Variants in FAM124B observed in about 807,000 individuals in gnomAD.
FAM124B encodes protein FAM124B.
FAM124B carries 18 observed loss-of-function variants against 19.7 expected under a neutral mutation model. That is an observed-to-expected ratio of 0.92 (90% CI 0.63 to 1.36). FAM124B has a LOEUF of 1.36. FAM124B is among the 40% of genes most tolerant of loss of function. The pLI is 0.00. For synonymous variants in FAM124B, 223 were observed against 225.2 expected, an observed-to-expected ratio of 0.99 and a Z score of 0.09; for missense variants, 540 against 553.3, an observed-to-expected ratio of 0.98 and a Z score of 0.24.
At chr2:224,393,320 C>T (rs1286259218) in intron 1 of FAM124B, among the ~76,000 whole-genome samples, 1 of 152,208 alleles carries the variant, frequency 6.6e-6, no homozygotes, top group Non-Finnish European at 1.5e-5. Flanking sequence ...GGATGGCCGG[C>T]AACCAACATG....
intron 1 of FAM124B, among the ~76,000 whole-genome samples, chr2:224,394,164 C>G (rs910933062): frequency 2.0e-5 from 3 of 152,130 alleles, no homozygotes; most frequent in Non-Finnish European, 4.4e-5. Context: ...CCCTCTCCTC[C>G]GGAAGTGCAC....
At position 224,401,769 on chromosome 2, in the gene FAM124B, G is replaced by A; in HGVS notation, c.-1C>T. ...CCAGAGGCCCCTGTGTCTCATCCAT[G>A]GAGGAACTGCCTGAGGCTGACAAAG... On this transcript the variant is annotated 5_prime_UTR_variant, in exon 1 of 2. Coordinates refer to ENST00000409685, the MANE Select transcript of FAM124B (RefSeq NM_001122779.2). The A allele has an allele frequency of 6.2e-7, 1 of 1,609,628 alleles. No individual in the cohort carries two copies. The highest frequency in any genetic ancestry group is 8.5e-7 in the Non-Finnish European group (1 of 1,177,652).
At position 224,401,169 on chromosome 2, in the gene FAM124B, T is replaced by C. The variant is rs151315340; in HGVS notation, c.600A>G (p.Lys200=). ...QLPPGMSVDP[K]ESSVLQFKVQ... is the part of the protein sequence containing the mutation. The stretch of plus-strand genomic sequence containing the variant: ...CCTTAAACTGCAGCACCGAAGACTC[T>C]TTGGGGTCCACTGACATTCCCGGGG... The change falls in exon 1 of 2, where the codon AAA becomes AAG. Residue 200 remains lysine, a synonymous_variant. Transcript: ENST00000409685. The C allele has an allele frequency of 1.9e-6, 3 of 1,614,050 alleles. No homozygotes were observed. In the African/African-American group the frequency reaches 4.0e-5, roughly 22 times the overall value.
chr2:224,397,972 G>A lies in FAM124B; in HGVS notation c.732+3065C>T, dbSNP rs528692087. Among the ~76,000 whole-genome samples, 5 of 152,342 alleles carry A rather than the reference G, an allele frequency of 3.3e-5. No individual in the cohort carries two copies. In the East Asian group the frequency reaches 7.7e-4, roughly 23 times the overall value. On this transcript the variant is annotated intron_variant, in intron 1 of 1. Coordinates refer to ENST00000409685, the MANE Select transcript of FAM124B (RefSeq NM_001122779.2). The stretch of plus-strand genomic sequence containing the variant: ...GCTCTCTTTGTCTGCCGCCATCCAT[G>A]TAAGATGCGACTGCTCCTCCTTGCC...
chr2:224,400,479 C>T (rs1690047911), intron 1 of FAM124B: 1 of 696,900 alleles, frequency 1.4e-6, no homozygotes, highest in African/African-American at 1.8e-5. Context: ...GCACTCGAGT[C>T]TGGGCAACAG....
Position 224,401,647 on chromosome 2 carries a change from A to G in FAM124B, c.122T>C (p.Leu41Pro), listed in dbSNP as rs760406843. The change falls in exon 1 of 2, where the codon CTC (leucine) becomes CCC (proline). Residue 41 changes from leucine to proline, a missense_variant. Transcript: ENST00000409685. ...LLDCICPEVR[L>P]FQVSERASPV... Reference sequence around the variant, plus strand: ...ACTGGCCCGTTCAGACACCTGAAAGAGCCGGACCTCTGGGCAAATGCAATC... The same window carrying G: ...ACTGGCCCGTTCAGACACCTGAAAGGGCCGGACCTCTGGGCAAATGCAATC... The G allele has an allele frequency of 6.2e-6, 10 of 1,614,080 alleles. No individual in the cohort carries two copies. The South Asian group carries it at 1.1e-4, about 18-fold the overall frequency.
intron 1 of FAM124B, among the ~76,000 whole-genome samples, chr2:224,385,560 A>C (rs1247181648): frequency 1.3e-5 from 2 of 152,166 alleles, no homozygotes; most frequent in African/African-American, 4.8e-5. Flanking sequence ...GTGTAACTAC[A>C]CCTCAGATCT....
Position 224,379,316 on chromosome 2 carries a change from G to A in FAM124B, c.*257C>T. On this transcript the variant is annotated 3_prime_UTR_variant, in exon 2 of 2. Transcript: ENST00000409685. ...ATTCAACACATCCAGCTGGGTTAGT[G>A]CATCTCCACGGAACAAAAGCATTCG... The A allele has an allele frequency of 2.3e-6, 1 of 430,448 alleles. No individual in the cohort carries two copies. The highest frequency in any genetic ancestry group is 4.1e-6 in the Non-Finnish European group (1 of 243,392). The allele number at this position is 430,448 out of a possible 1,614,324, so 26.7% of individuals were successfully genotyped here. A position where few individuals can be genotyped will look rare whatever the true frequency, so the allele number is the denominator to read the frequency against.
At chr2:224,383,148 A>G (rs185870629) in intron 1 of FAM124B, among the ~76,000 whole-genome samples, 35 of 152,278 alleles carry the variant, frequency 2.3e-4, no homozygotes, top group African/African-American at 7.7e-4. Flanking sequence ...TTAAAAAACA[A>G]TGATGCCTGC....
chr2:224,387,425 T>C (rs933307267), intron 1 of FAM124B, among the ~76,000 whole-genome samples: 5 of 152,138 alleles, frequency 3.3e-5, no homozygotes, highest in African/African-American at 9.7e-5. Flanking sequence ...TCCAAGAAGA[T>C]AGCAAGAGAG....
chr2:224,381,961 C>A (rs1386107051), intron 1 of FAM124B, among the ~76,000 whole-genome samples: 1 of 152,160 alleles, frequency 6.6e-6, no homozygotes. Flanking sequence ...TAAATTCTCT[C>A]TCTCATACAC....
In FAM124B at chr2:224,379,679, G is replaced by C. The variant is rs1376894752; in HGVS notation, c.1262C>G (p.Ala421Gly). The C allele has an allele frequency of 1.3e-6, 2 of 1,551,658 alleles. No homozygotes were observed. The highest frequency in any genetic ancestry group is 1.7e-6 in the Non-Finnish European group (2 of 1,146,988). Reference protein sequence around the residue: ...LKERVSPLPLAGQRDLGTRKT... With the variant: ...LKERVSPLPLGGQRDLGTRKT... The stretch of plus-strand genomic sequence containing the variant: ...CCTGGTACCAAGGTCCCTTTGGCCA[G>C]CAAGTGGCAAAGGAGAGACTCTTTC... The change falls in exon 2 of 2, where the codon GCT becomes GGT. Residue 421 changes from alanine (A) to glycine (G), a missense_variant. Transcript: ENST00000409685.
chr2:224,398,549 A>T (rs1184316554), intron 1 of FAM124B, among the ~76,000 whole-genome samples: 1 of 152,216 alleles, frequency 6.6e-6, no homozygotes, highest in African/African-American at 2.4e-5. Context: ...CCAGAAGGCG[A>T]TCTCTCACTC....
In FAM124B at chr2:224,380,159, C is replaced by A. The variant is rs867913272; in HGVS notation, c.782G>T (p.Gly261Val). Residue 261 changes from glycine to valine, a missense_variant, in exon 2 of 2, where the codon GGC (glycine) becomes GTC (valine). Transcript: ENST00000409685. Reference sequence around the variant, plus strand: ...CAGCCTGGAGCCCAGGGGAAGCATGCCAGCTCCCAAGATGCCATTCTTAAC... The same window carrying A: ...CAGCCTGGAGCCCAGGGGAAGCATGACAGCTCCCAAGATGCCATTCTTAAC... ...LGVKNGILGA[G>V]MLPLGSRLTS... 3 of 1,551,176 alleles carry A rather than the reference C, an allele frequency of 1.9e-6. No homozygotes were observed. The highest frequency in any genetic ancestry group is 2.6e-6 in the Non-Finnish European group (3 of 1,146,734).
chr2:224,401,120 G>A lies in FAM124B; in HGVS notation c.649C>T (p.Pro217Ser). The A allele has an allele frequency of 1.2e-6, 2 of 1,614,180 alleles. No homozygotes were observed. Among genetic ancestry groups the A allele is most frequent in the Non-Finnish European group, 8.5e-7 (1 of 1,180,024 alleles). Residue 217 changes from proline to serine, a missense_variant, in exon 1 of 2, where the codon CCT becomes TCT. Pro to Ser is a moderately conservative substitution (Grantham distance 74, BLOSUM62 -1). Coordinates refer to ENST00000409685, the MANE Select transcript of FAM124B (RefSeq NM_001122779.2). ...GGCATGCATGGATTGGGTAGCAGAG[G>A]CACTAACTGGCCGATCTCTTGAACC... Reference protein sequence around the residue: ...FKVQEIGQLVPLLPNPCMPIS... With the variant: ...FKVQEIGQLVSLLPNPCMPIS...
chr2:224,383,519 T>G (rs755839622), intron 1 of FAM124B, among the ~76,000 whole-genome samples: 4 of 152,096 alleles, frequency 2.6e-5, no homozygotes, highest in Non-Finnish European at 4.4e-5. Flanking sequence ...CATCTGTTTG[T>G]TTTTTTAAAA....
At chr2:224,400,613 G>C (rs1325388652) in intron 1 of FAM124B, 2 of 607,588 alleles carry the variant, frequency 3.3e-6, no homozygotes, top group East Asian at 5.6e-5. Context: ...TGAGCCCAAA[G>C]AGTAAACAAA....
rs764234329 is a variant in FAM124B, at chr2:224,401,160, C to T, written c.609G>A (p.Ser203=). Residue 203 remains serine (S), a synonymous_variant, in exon 1 of 2, where the codon TCG becomes TCA. Coordinates refer to ENST00000409685, the MANE Select transcript of FAM124B (RefSeq NM_001122779.2). The stretch of plus-strand genomic sequence containing the variant: ...TCTCTTGAACCTTAAACTGCAGCAC[C>T]GAAGACTCTTTGGGGTCCACTGACA... ...PGMSVDPKES[S]VLQFKVQEIG... The T allele has an allele frequency of 1.2e-5, 20 of 1,614,010 alleles. No individual in the cohort carries two copies. The highest frequency in any genetic ancestry group is 1.6e-5 in the Non-Finnish European group (19 of 1,180,036).
intron 1 of FAM124B, among the ~76,000 whole-genome samples, chr2:224,384,830 C>G (rs1393202064): frequency 6.6e-6 from 1 of 152,204 alleles, no homozygotes; most frequent in Non-Finnish European, 1.5e-5. Context: ...CTCCCATCAC[C>G]TCCCGCCTTC....
Sources: gnomAD v4.1 joint callset for allele counts (sites outside exome capture counted in the v4.1 genomes callset) on GRCh38, gnomAD v4.1.1 for gene constraint, MANE v1.5 for transcripts, NCBI Gene and HGNC (gene_info 2026-07-23, HGNC 2026-07-21) for gene names.